HPSE2: variants seen among roughly 807,000 people sequenced by gnomAD.
HPSE2 encodes inactive heparanase-2.
In HPSE2, 38 loss-of-function variants were observed where a neutral mutation model predicts 60.5. That is an observed-to-expected ratio of 0.63 (90% CI 0.48 to 0.82). HPSE2 has a LOEUF of 0.82. Ranked by LOEUF, HPSE2 falls within the 40% of genes least tolerant of loss-of-function variation. The pLI, the probability that HPSE2 is intolerant of heterozygous loss-of-function variation, is 0.00. For synonymous variants in HPSE2, 295 were observed against 293.2 expected (o/e 1.01, Z -0.06); for missense variants, 713 against 740.4 (o/e 0.96, Z 0.43).
intron 2 of HPSE2, among the ~76,000 whole-genome samples, chr10:99,228,021 T>C (rs768644739): frequency 6.6e-6 from 1 of 151,784 alleles, no homozygotes; most frequent in Non-Finnish European, 1.5e-5. Context: ...GAATGACCTG[T>C]TCAAGAACAG....
intron 3 of HPSE2, among the ~76,000 whole-genome samples, chr10:98,769,694 G>A (rs887598497): frequency 2.0e-5 from 3 of 152,000 alleles, no homozygotes; most frequent in African/African-American, 4.8e-5. Context: ...GGAAGGAGAT[G>A]GTTAAGAAAA....
chr10:98,519,629 C>A (rs1044029532), intron 9 of HPSE2, among the ~76,000 whole-genome samples: 1 of 152,240 alleles, frequency 6.6e-6, no homozygotes, highest in Non-Finnish European at 1.5e-5. Context: ...AAGTAACTGG[C>A]TGACTCCTTT....
rs76654674 is a variant in HPSE2, at chr10:98,676,040, A to G, written c.1004+17860T>C. On this transcript the variant is annotated intron_variant, in intron 6 of 11. Transcript: ENST00000370552. ...ACAGAGTAAAACGCTGCCTCAAAGA[A>G]AAAAAAAAAAGGAAGTGAGGGCTAA... 3.0e-3 allele frequency among the ~76,000 whole-genome samples: 340 copies of G among 111,526 alleles called. 5 individuals carry two copies. Among genetic ancestry groups the G allele is most frequent in the East Asian group, 7.1e-3 (22 of 3,118 alleles). 73.2% of individuals were successfully genotyped at this position (111,526 alleles called of 152,430 possible). A position where few individuals can be genotyped will look rare whatever the true frequency, so the allele number is the denominator to read the frequency against.
chr10:99,090,630 GAC>G (rs1178375973), intron 3 of HPSE2, among the ~76,000 whole-genome samples: 1 of 151,978 alleles, frequency 6.6e-6, no homozygotes, highest in African/African-American at 2.4e-5. Context: ...AATTTATTTT[GAC>G]ACAGTAATCA....
At chr10:99,088,479 T>C (rs539653241) in intron 3 of HPSE2, among the ~76,000 whole-genome samples, 94 of 152,358 alleles carry the variant, frequency 6.2e-4, no homozygotes, top group African/African-American at 2.2e-3. Context: ...CCTTAGTTAC[T>C]TCACTTAGAA....
intron 9 of HPSE2, among the ~76,000 whole-genome samples, chr10:98,496,548 T>C (rs1033942111): frequency 6.6e-6 from 1 of 152,208 alleles, no homozygotes; most frequent in South Asian, 2.1e-4. Context: ...CTACCTGCCA[T>C]AGGGCTAAGA....
intron 3 of HPSE2, among the ~76,000 whole-genome samples, chr10:99,021,036 C>T (rs1251479885): frequency 6.6e-6 from 1 of 152,138 alleles, no homozygotes; most frequent in Non-Finnish European, 1.5e-5. Flanking sequence ...TATTCCTTTC[C>T]AGGTCTTGGA....
chr10:98,946,600 C>T (rs1955192079), intron 3 of HPSE2, among the ~76,000 whole-genome samples: 1 of 151,912 alleles, frequency 6.6e-6, no homozygotes, highest in Non-Finnish European at 1.5e-5. Flanking sequence ...CACAGCAGTT[C>T]TGGGAACTAA....
the HPSE2 span, among the ~76,000 whole-genome samples, chr10:99,264,692 CCTT>C: frequency 6.6e-6 from 1 of 152,226 alleles, no homozygotes; most frequent in East Asian, 1.9e-4. Context: ...CTATTTTTCT[CCTT>C]CTTTTATTTG....
chr10:98,674,071 C>T (rs1473559658), intron 6 of HPSE2, among the ~76,000 whole-genome samples: 2 of 152,174 alleles, frequency 1.3e-5, no homozygotes, highest in Non-Finnish European at 2.9e-5. Context: ...GTCTGGACCA[C>T]ACTTTAATAC....
At chr10:99,304,158 G>A in the HPSE2 span, among the ~76,000 whole-genome samples, 1 of 152,160 alleles carries the variant, frequency 6.6e-6, no homozygotes, top group African/African-American at 2.4e-5. Flanking sequence ...TAGACATCAG[G>A]CCAGATTGAG....
chr10:98,463,315 C>G (rs56976912), intron 11 of HPSE2, among the ~76,000 whole-genome samples: 1 of 152,190 alleles, frequency 6.6e-6, no homozygotes, highest in East Asian at 1.9e-4. Flanking sequence ...CCCCCTCCAA[C>G]GCTCACTGTG....
At chr10:98,902,034 T>C (rs1435987070) in intron 3 of HPSE2, among the ~76,000 whole-genome samples, 1 of 152,208 alleles carries the variant, frequency 6.6e-6, no homozygotes, top group Admixed American at 6.5e-5. Context: ...AATGCTATAA[T>C]TTGTTCATGT....
chr10:99,150,469 C>T (rs1197957502), intron 2 of HPSE2, among the ~76,000 whole-genome samples: 1 of 152,172 alleles, frequency 6.6e-6, no homozygotes, highest in Non-Finnish European at 1.5e-5. Flanking sequence ...CAGGGACACA[C>T]CACCATACCT....
At chr10:98,659,557 T>C (rs1947168924) in intron 6 of HPSE2, among the ~76,000 whole-genome samples, 1 of 152,266 alleles carries the variant, frequency 6.6e-6, no homozygotes, top group Non-Finnish European at 1.5e-5. Context: ...TATTTATTCA[T>C]TCATCTGTTG....
chr10:98,991,912 A>G (rs1271480547), intron 3 of HPSE2, among the ~76,000 whole-genome samples: 1 of 152,192 alleles, frequency 6.6e-6, no homozygotes, highest in African/African-American at 2.4e-5. Flanking sequence ...AGGTGGCTCC[A>G]CTGTCTCCAA....
At chr10:98,460,858 C>T (rs1362249891) in intron 11 of HPSE2, among the ~76,000 whole-genome samples, 3 of 152,180 alleles carry the variant, frequency 2.0e-5, no homozygotes, top group Admixed American at 2.0e-4. Flanking sequence ...CCTATGGTAC[C>T]AGAATCCAGA....
intron 8 of HPSE2, among the ~76,000 whole-genome samples, chr10:98,618,556 G>C (rs1387280880): frequency 6.6e-6 from 1 of 152,080 alleles, no homozygotes; most frequent in African/African-American, 2.4e-5. Context: ...AGCCAGTGGA[G>C]AGTGGGAGTG....
Position 99,190,175 on chromosome 10 carries a change from T to C in HPSE2, c.448+42173A>G, listed in dbSNP as rs552117122. 2.5e-4 allele frequency among the ~76,000 whole-genome samples: 38 copies of C among 152,326 alleles called. 1 individual carries two copies. The South Asian group carries it at 7.3e-3, about 29-fold the overall frequency. On this transcript the variant is annotated intron_variant, in intron 2 of 11. Transcript: ENST00000370552. ...TTGGGCATTGTGCTAATACTTTACA[T>C]ATATAATATGATGTCATTTCACAAC... is the stretch of plus-strand genomic sequence containing the variant.
Sources: gnomAD v4.1 joint callset for allele counts (sites outside exome capture counted in the v4.1 genomes callset) on GRCh38, gnomAD v4.1.1 for gene constraint, MANE v1.5 for transcripts, NCBI Gene and HGNC (gene_info 2026-07-23, HGNC 2026-07-21) for gene names.